The following CACNB2 variants were observed in gnomAD, a reference collection of about 807,000 sequenced individuals.
CACNB2 encodes the protein voltage-dependent L-type calcium channel subunit beta-2.
Under a neutral mutation model 73.3 loss-of-function variants are expected in CACNB2, and 42 were observed. The ratio of observed to expected loss-of-function variants is 0.57; its 90% CI spans 0.45 to 0.74. The LOEUF (loss-of-function observed/expected upper bound fraction) is 0.74. CACNB2 is among the 30% of genes least tolerant of loss of function. The pLI, the probability that CACNB2 is intolerant of heterozygous loss-of-function variation, is 0.00. For missense variants in CACNB2, 940 were observed against 853.0 expected (o/e 1.10, Z -1.27); for synonymous variants, 348 against 310.3 (o/e 1.12, Z -1.28).
intron 2 of CACNB2, among the ~76,000 whole-genome samples, chr10:18,317,863 C>T (rs78393647): frequency 6.6e-6 from 1 of 152,126 alleles, no homozygotes; most frequent in Non-Finnish European, 1.5e-5. Flanking sequence ...GAATAAAGAA[C>T]ATGAGGTCTT....
chr10:18,435,584 G>A (rs1490249905), intron 3 of CACNB2, among the ~76,000 whole-genome samples: 2 of 151,908 alleles, frequency 1.3e-5, no homozygotes, highest in Non-Finnish European at 2.9e-5. Flanking sequence ...CTGCAGCCTC[G>A]ACCTCCCAGG....
intron 2 of CACNB2, among the ~76,000 whole-genome samples, chr10:18,383,692 A>G (rs886347912): frequency 2.0e-5 from 3 of 150,758 alleles, no homozygotes; most frequent in African/African-American, 7.3e-5. Flanking sequence ...AGAGGAATAC[A>G]GAGTAGCGAA....
At chr10:18,271,544 A>G (rs571284997) in intron 2 of CACNB2, among the ~76,000 whole-genome samples, 3 of 152,360 alleles carry the variant, frequency 2.0e-5, no homozygotes, top group African/African-American at 7.2e-5. Context: ...TTTAATGGCT[A>G]TATGTATGGA....
At chr10:18,160,285 A>G (rs1046392338) in intron 2 of CACNB2, among the ~76,000 whole-genome samples, 1 of 151,966 alleles carries the variant, frequency 6.6e-6, no homozygotes. Context: ...AGTTATTAAA[A>G]TAATTTTGTG....
chr10:18,457,551 T>G (rs2047346490), intron 3 of CACNB2, among the ~76,000 whole-genome samples: 1 of 152,192 alleles, frequency 6.6e-6, no homozygotes, highest in South Asian at 2.1e-4. Context: ...CCAGCTCTCC[T>G]TAGCACAGCA....
chr10:18,417,262 T>C lies in CACNB2; in HGVS notation c.333+15219T>C, dbSNP rs1422563216. 2.0e-5 allele frequency among the ~76,000 whole-genome samples: 3 copies of C among 152,184 alleles called. No individual in the cohort carries two copies. The East Asian group carries it at 5.8e-4, about 29-fold the overall frequency. ...GCAAAAAACTCACCTTTTGTCCTGC[T>C]TTTTAAAGTTTAGTTTATTGTCATT... On this transcript the variant is annotated intron_variant, in intron 3 of 13. Transcript: ENST00000324631.
chr10:18,348,981 T>C (rs1218890325), intron 2 of CACNB2, among the ~76,000 whole-genome samples: 1 of 152,126 alleles, frequency 6.6e-6, no homozygotes, highest in Non-Finnish European at 1.5e-5. Context: ...ATCAGCCACA[T>C]GTGGTGGTGT....
chr10:18,238,809 G>A (rs1410094768), intron 2 of CACNB2, among the ~76,000 whole-genome samples: 1 of 152,344 alleles, frequency 6.6e-6, no homozygotes, highest in Non-Finnish European at 1.5e-5. Context: ...GGAGGCCTGA[G>A]TGGGAGCCCA....
At chr10:18,518,479 C>T in intron 8 of CACNB2, 63 bp downstream of exon 8, 1 of 1,094,566 alleles carries the variant, frequency 9.1e-7, no homozygotes, top group Admixed American at 1.7e-5. Flanking sequence ...GATGCTGCCT[C>T]CTACTCCCGA....
At chr10:18,353,628 A>G (rs1346040085) in intron 2 of CACNB2, among the ~76,000 whole-genome samples, 1 of 152,214 alleles carries the variant, frequency 6.6e-6, no homozygotes, top group Non-Finnish European at 1.5e-5. Flanking sequence ...ATTTGAGGGA[A>G]TAATAAGGCA....
At position 18,541,139 on chromosome 10, in the gene CACNB2, CTGT is replaced by C. The variant is rs1390305384; in HGVS notation, c.*1420_*1422del. 1.3e-5 allele frequency: 2 copies of C among 152,528 alleles called. No homozygotes were observed. The highest frequency in any genetic ancestry group is 2.9e-5 in the Non-Finnish European group (2 of 68,016). The allele number at this position is 152,528 out of a possible 1,614,324, so 9.4% of individuals were successfully genotyped here. A position where few individuals can be genotyped will look rare whatever the true frequency, so the allele number is the denominator to read the frequency against. On this transcript the variant is annotated 3_prime_UTR_variant, in exon 14 of 14. Transcript: ENST00000324631. ...CAATTTCTAACCTTGCCTATTGTTC[CTGT>C]TGTTTGTTTACCTCCCAGTTACCTA...
chr10:18,444,647 G>T (rs190362048), intron 3 of CACNB2, among the ~76,000 whole-genome samples: 78 of 152,288 alleles, frequency 5.1e-4, no homozygotes, highest in African/African-American at 1.8e-3. Context: ...GAGGTGTTTA[G>T]TACCCGAGTG....
chr10:18,538,124 G>C, intron 12 of CACNB2, 56 bp from the exon 13 acceptor site: 1 of 1,560,454 alleles, frequency 6.4e-7, no homozygotes, highest in African/African-American at 1.4e-5. Context: ...ATGGAGGTGG[G>C]AAGGGGGTGA....
At chr10:18,487,102 T>G (rs1441723329) in intron 3 of CACNB2, among the ~76,000 whole-genome samples, 1 of 152,122 alleles carries the variant, frequency 6.6e-6, no homozygotes, top group Non-Finnish European at 1.5e-5. Context: ...GGTGTGACAT[T>G]TGCATGGTGC....
chr10:18,538,453 T>A, intron 13 of CACNB2, 88 bp downstream of exon 13: 1 of 1,156,700 alleles, frequency 8.6e-7, no homozygotes, highest in Non-Finnish European at 1.3e-6. Context: ...CCAAGCCCAG[T>A]AGCCTGCTTG....
chr10:18,276,301 C>T (rs1457679189), intron 2 of CACNB2, among the ~76,000 whole-genome samples: 1 of 152,204 alleles, frequency 6.6e-6, no homozygotes, highest in Non-Finnish European at 1.5e-5. Context: ...TGCTAACCTA[C>T]AGCCTTCTAC....
intron 3 of CACNB2, among the ~76,000 whole-genome samples, chr10:18,447,882 C>T (rs914840595): frequency 6.6e-6 from 1 of 151,968 alleles, no homozygotes; most frequent in African/African-American, 2.4e-5. Context: ...TCTTTGCCTC[C>T]AAACCCGAGA....
At chr10:18,304,123 T>G (rs986505815) in intron 2 of CACNB2, among the ~76,000 whole-genome samples, 1 of 152,164 alleles carries the variant, frequency 6.6e-6, no homozygotes, top group African/African-American at 2.4e-5. Context: ...ATCCTTCTAA[T>G]GTTTTAATCT....
At chr10:18,273,389 CA>C (rs140290386) in intron 2 of CACNB2, among the ~76,000 whole-genome samples, 9,222 of 143,818 alleles carry the variant, frequency 0.064, 482 homozygotes, top group East Asian at 0.31. Context: ...AAAAACAAAA[CA>C]AAAAAAAAAG....
Sources: gnomAD v4.1 joint callset for allele counts (sites outside exome capture counted in the v4.1 genomes callset) on GRCh38, gnomAD v4.1.1 for gene constraint, MANE v1.5 for transcripts, NCBI Gene and HGNC (gene_info 2026-07-23, HGNC 2026-07-21) for gene names.